Variants in SEC24B observed in about 807,000 individuals in gnomAD.
SEC24B encodes the protein protein transport protein Sec24B.
Under a neutral mutation model 142.8 loss-of-function variants are expected in SEC24B, and 45 were observed. The observed-to-expected ratio is 0.32, with a 90% CI of 0.25 to 0.40. The LOEUF (loss-of-function observed/expected upper bound fraction) is 0.40. Among genes scored for constraint, SEC24B ranks in the 10% least tolerant of loss-of-function variants. The pLI, the probability that SEC24B is intolerant of heterozygous loss-of-function variation, is 1.00. For synonymous variants in SEC24B, 574 were observed against 568.2 expected (o/e 1.01, Z -0.15); for missense variants, 1,409 against 1,526.8 (o/e 0.92, Z 1.29).
chr4:109,519,137 G>C (rs867087486), intron 11 of SEC24B, among the ~76,000 whole-genome samples: 8 of 152,112 alleles, frequency 5.3e-5, no homozygotes, highest in Middle Eastern at 6.3e-3. Context: ...AATCCCCCAA[G>C]AGGGTACACC....
At chr4:109,449,851 C>G (rs562231957) in intron 1 of SEC24B, among the ~76,000 whole-genome samples, 1 of 152,112 alleles carries the variant, frequency 6.6e-6, no homozygotes, top group Admixed American at 6.5e-5. Flanking sequence ...GGTTCTTCCT[C>G]TGTGAGGTTA....
At chr4:109,529,414 T>C (rs995015966) in intron 18 of SEC24B, among the ~76,000 whole-genome samples, 3 of 152,144 alleles carry the variant, frequency 2.0e-5, no homozygotes, top group South Asian at 2.1e-4. Flanking sequence ...ATAATTCTAT[T>C]TTTAGTGCTT....
intron 4 of SEC24B, among the ~76,000 whole-genome samples, chr4:109,482,979 T>TATATATATATAC (rs781527364): frequency 2.3e-4 from 6 of 26,412 alleles, no homozygotes; most frequent in East Asian, 2.2e-3. Context: ...TATATATATA[T>TATATATATATAC]ACACACACAC....
intron 7 of SEC24B, 52 bp downstream of exon 7, chr4:109,506,564 G>A: frequency 8.2e-7 from 1 of 1,212,592 alleles, no homozygotes; most frequent in Non-Finnish European, 1.1e-6. Flanking sequence ...AACATTGTAT[G>A]ACTTTCAAAA....
intron 2 of SEC24B, among the ~76,000 whole-genome samples, chr4:109,466,156 G>A (rs1460789222): frequency 6.6e-6 from 1 of 152,130 alleles, no homozygotes; most frequent in Non-Finnish European, 1.5e-5. Context: ...AGTGCCCCAT[G>A]TAACTTAGTA....
At chr4:109,537,340 C>T (rs1725671645) in intron 22 of SEC24B, among the ~76,000 whole-genome samples, 1 of 152,138 alleles carries the variant, frequency 6.6e-6, no homozygotes, top group African/African-American at 2.4e-5. Flanking sequence ...GGCCATTTGA[C>T]AATGTCTGTG....
In SEC24B at chr4:109,539,957, A is replaced by G. The variant is rs1395780605; in HGVS notation, c.*282A>G. 1 of 274,560 alleles carries G rather than the reference A, an allele frequency of 3.6e-6. No homozygotes were observed. Among genetic ancestry groups the G allele is most frequent in the Non-Finnish European group, 6.7e-6 (1 of 149,718 alleles). The allele number at this position is 274,560 out of a possible 1,614,324, so 17.0% of individuals were successfully genotyped here. A position where few individuals can be genotyped will look rare whatever the true frequency, so the allele number is the denominator to read the frequency against. On this transcript the variant is annotated 3_prime_UTR_variant, in exon 24 of 24. Transcript: ENST00000265175. ...GCAGTACAGTGCTCTGTTCATTGCAAGCTGGCAAATTTATGTAGCTATGTG... is the reference window on the plus strand; with the variant it reads ...GCAGTACAGTGCTCTGTTCATTGCAGGCTGGCAAATTTATGTAGCTATGTG...
At chr4:109,434,775 G>A (rs1054495174) in intron 1 of SEC24B, among the ~76,000 whole-genome samples, 1 of 152,134 alleles carries the variant, frequency 6.6e-6, no homozygotes, top group African/African-American at 2.4e-5. Flanking sequence ...ATGAAAAAAC[G>A]TGCCAGAGTT....
chr4:109,512,138 G>C, intron 9 of SEC24B, 55 bp downstream of exon 9: 1 of 1,207,228 alleles, frequency 8.3e-7, no homozygotes, highest in East Asian at 2.5e-5. Flanking sequence ...TTTTTTTTTT[G>C]AGATTTTTGT....
At chr4:109,475,356 A>G (rs1031720624) in intron 3 of SEC24B, among the ~76,000 whole-genome samples, 1 of 152,242 alleles carries the variant, frequency 6.6e-6, no homozygotes, top group Non-Finnish European at 1.5e-5. Flanking sequence ...CGAATTGTGC[A>G]GTGTATCATC....
intron 11 of SEC24B, among the ~76,000 whole-genome samples, chr4:109,518,138 A>G (rs1049909208): frequency 1.3e-5 from 2 of 151,972 alleles, no homozygotes; most frequent in African/African-American, 4.8e-5. Context: ...AGGCTAAGAA[A>G]CTGAGCATTT....
At chr4:109,538,388 A>T in intron 22 of SEC24B, 105 bp from the exon 23 acceptor site, 1 of 698,384 alleles carries the variant, frequency 1.4e-6, no homozygotes, top group East Asian at 2.6e-5. Context: ...AGGCTAAGAA[A>T]TAGAGTGCTG....
chr4:109,493,957 G>A (rs925674322), intron 5 of SEC24B, among the ~76,000 whole-genome samples: 2 of 152,134 alleles, frequency 1.3e-5, no homozygotes, highest in African/African-American at 4.8e-5. Context: ...CATATTTTTA[G>A]GGGATTATGG....
chr4:109,495,967 G>A (rs1362932276), intron 6 of SEC24B, among the ~76,000 whole-genome samples: 2 of 152,040 alleles, frequency 1.3e-5, no homozygotes, highest in Admixed American at 6.6e-5. Flanking sequence ...ACTGCTGCTA[G>A]GACCCATTCT....
chr4:109,456,424 A>G lies in SEC24B; in HGVS notation c.134-6477A>G, dbSNP rs1730702805. ...CTGAAGGGGCTGTTACATCTTGTACATTATTGAATAGGAATGATGAGAGAG... is the reference window on the plus strand; with the variant it reads ...CTGAAGGGGCTGTTACATCTTGTACGTTATTGAATAGGAATGATGAGAGAG... On this transcript the variant is annotated intron_variant, in intron 1 of 23. Transcript: ENST00000265175. Among the ~76,000 whole-genome samples, 3 of 144,350 alleles carry G rather than the reference A, an allele frequency of 2.1e-5. No homozygotes were observed. In the South Asian group the frequency reaches 6.4e-4, roughly 31 times the overall value. 94.7% of individuals were successfully genotyped at this position (144,350 alleles called of 152,430 possible).
chr4:109,493,678 G>C (rs1735238977), intron 5 of SEC24B, among the ~76,000 whole-genome samples: 2 of 151,294 alleles, frequency 1.3e-5, no homozygotes. Context: ...GCCCAGGCTG[G>C]AGTGCAATGG....
chr4:109,482,979 T>TATATATATATATACACACACACAC (rs781527364), intron 4 of SEC24B, among the ~76,000 whole-genome samples: 1 of 26,418 alleles, frequency 3.8e-5, no homozygotes, highest in African/African-American at 1.2e-4. Context: ...TATATATATA[T>TATATATATATATACACACACACAC]ACACACACAC....
intron 14 of SEC24B, among the ~76,000 whole-genome samples, chr4:109,524,513 G>A (rs2126079761): frequency 6.6e-6 from 1 of 152,192 alleles, no homozygotes; most frequent in South Asian, 2.1e-4. Context: ...CAATATCTAT[G>A]TAATCTTGGT....
At chr4:109,469,622 A>C (rs1392829429) in intron 2 of SEC24B, among the ~76,000 whole-genome samples, 2 of 152,250 alleles carry the variant, frequency 1.3e-5, no homozygotes, top group African/African-American at 4.8e-5. Context: ...AATCTGAAGG[A>C]TAAAGTCTCC....
Sources: allele counts gnomAD v4.1 joint callset (sites outside exome capture counted in the v4.1 genomes callset), GRCh38; gene constraint gnomAD v4.1.1; transcripts MANE v1.5; gene names NCBI Gene and HGNC (gene_info 2026-07-23, HGNC 2026-07-21).